NSMCE2: variants seen among roughly 807,000 people sequenced by gnomAD.
The protein encoded by NSMCE2 is E3 SUMO-protein ligase NSE2.
In NSMCE2, 24 loss-of-function variants were observed where a neutral mutation model predicts 23.8. That is an observed-to-expected ratio of 1.01 (90% CI 0.73 to 1.42). The LOEUF (loss-of-function observed/expected upper bound fraction) is 1.42, where lower values mean the gene tolerates loss of function less well. Among genes scored for constraint, NSMCE2 ranks in the 40% most tolerant of loss-of-function variants. NSMCE2 has a pLI of 0.00. For synonymous variants in NSMCE2, 92 were observed against 94.1 expected, an observed-to-expected ratio of 0.98 and a Z score of 0.13; for missense variants, 284 against 296.5, an observed-to-expected ratio of 0.96 and a Z score of 0.31.
At chr8:125,340,868 C>G (rs1040682537) in intron 5 of NSMCE2, among the ~76,000 whole-genome samples, 13 of 152,194 alleles carry the variant, frequency 8.5e-5, no homozygotes, top group Non-Finnish European at 1.3e-4. Flanking sequence ...CATTCTATTG[C>G]TCCTAATTAT....
intron 5 of NSMCE2, among the ~76,000 whole-genome samples, chr8:125,183,474 A>AT (rs1282921292): frequency 1.3e-5 from 2 of 152,066 alleles, no homozygotes; most frequent in East Asian, 3.8e-4. Flanking sequence ...CCCTCAAATG[A>AT]TTAATAATTT....
At chr8:125,176,828 C>T (rs1195692292) in intron 4 of NSMCE2, among the ~76,000 whole-genome samples, 1 of 152,226 alleles carries the variant, frequency 6.6e-6, no homozygotes, top group African/African-American at 2.4e-5. Context: ...CAGACATCGG[C>T]AGCTGAGTAA....
At chr8:125,210,061 G>A (rs1040925604) in intron 5 of NSMCE2, among the ~76,000 whole-genome samples, 13 of 152,188 alleles carry the variant, frequency 8.5e-5, no homozygotes, top group Non-Finnish European at 1.5e-4. Flanking sequence ...CTAGATCCAC[G>A]TGTTCTAAGA....
At chr8:125,216,860 C>T (rs564100144) in intron 5 of NSMCE2, among the ~76,000 whole-genome samples, 1 of 152,126 alleles carries the variant, frequency 6.6e-6, no homozygotes, top group Non-Finnish European at 1.5e-5. Flanking sequence ...AATCAGTGAT[C>T]AAGGGAAAGT....
At chr8:125,204,357 C>T (rs1824015840) in intron 5 of NSMCE2, among the ~76,000 whole-genome samples, 1 of 152,156 alleles carries the variant, frequency 6.6e-6, no homozygotes, top group African/African-American at 2.4e-5. Flanking sequence ...ACCATTGGGT[C>T]CTTCCTTATA....
intron 5 of NSMCE2, among the ~76,000 whole-genome samples, chr8:125,257,423 G>T (rs1030330311): frequency 6.6e-6 from 1 of 151,884 alleles, no homozygotes; most frequent in African/African-American, 2.4e-5. Flanking sequence ...GAAAAAGGGG[G>T]TAATCTCCTG....
chr8:125,309,248 CAAA>C (rs111355815), intron 5 of NSMCE2, among the ~76,000 whole-genome samples: 7 of 65,512 alleles, frequency 1.1e-4, no homozygotes, highest in African/African-American at 1.3e-4. Context: ...AACTCTGTCT[CAAA>C]AAAAAAAAAA....
chr8:125,184,464 A>G (rs1452054429), intron 5 of NSMCE2, among the ~76,000 whole-genome samples: 1 of 152,122 alleles, frequency 6.6e-6, no homozygotes, highest in Admixed American at 6.5e-5. Flanking sequence ...TGAAAGAAAT[A>G]CTTCCTTATA....
chr8:125,316,842 G>A (rs1829229025), intron 5 of NSMCE2, among the ~76,000 whole-genome samples: 1 of 150,522 alleles, frequency 6.6e-6, no homozygotes, highest in African/African-American at 2.4e-5. Context: ...GAAGTAGCAT[G>A]ATCACAGTTC....
At chr8:125,258,927 A>G (rs928191524) in intron 5 of NSMCE2, among the ~76,000 whole-genome samples, 1 of 151,800 alleles carries the variant, frequency 6.6e-6, no homozygotes, top group Non-Finnish European at 1.5e-5. Context: ...TTTGAGACAG[A>G]GTTTTGCTCT....
At chr8:125,303,153 C>A (rs1042207469) in intron 5 of NSMCE2, among the ~76,000 whole-genome samples, 1 of 152,084 alleles carries the variant, frequency 6.6e-6, no homozygotes, top group Non-Finnish European at 1.5e-5. Context: ...CCACAGTAGA[C>A]CAGAAAATGA....
chr8:125,337,281 A>G (rs949747493), intron 5 of NSMCE2, among the ~76,000 whole-genome samples: 1 of 152,150 alleles, frequency 6.6e-6, no homozygotes, highest in African/African-American at 2.4e-5. Context: ...TTGCAACCCT[A>G]CACCCCCTCT....
intron 4 of NSMCE2, among the ~76,000 whole-genome samples, chr8:125,161,869 T>G (rs549651636): frequency 6.6e-6 from 1 of 152,226 alleles, no homozygotes; most frequent in Admixed American, 6.5e-5. Context: ...TTCCAGACAT[T>G]CTGACTTGCT....
At chr8:125,299,256 G>A (rs1214547546) in intron 5 of NSMCE2, among the ~76,000 whole-genome samples, 3 of 152,176 alleles carry the variant, frequency 2.0e-5, no homozygotes, top group African/African-American at 7.2e-5. Context: ...ATCAAGAGGA[G>A]ATTCTTTGTC....
intron 4 of NSMCE2, among the ~76,000 whole-genome samples, chr8:125,171,664 T>C (rs2130769126): frequency 6.6e-6 from 1 of 152,342 alleles, no homozygotes; most frequent in African/African-American, 2.4e-5. Flanking sequence ...TTCTGACTTG[T>C]TCATCTCTTC....
intron 5 of NSMCE2, among the ~76,000 whole-genome samples, chr8:125,322,842 A>G (rs1410812386): frequency 2.0e-5 from 3 of 152,374 alleles, no homozygotes; most frequent in South Asian, 2.1e-4. Context: ...AATGCCATTT[A>G]TGATATCATC....
chr8:125,309,055 A>T (rs1171287174), intron 5 of NSMCE2, among the ~76,000 whole-genome samples: 1 of 151,330 alleles, frequency 6.6e-6, no homozygotes, highest in Non-Finnish European at 1.5e-5. Flanking sequence ...GACCAGCCTG[A>T]CCAACATGGA....
In NSMCE2 at chr8:125,224,530, G is replaced by C. The variant is rs113440911; in HGVS notation, c.418+42274G>C. 1.2e-3 allele frequency among the ~76,000 whole-genome samples: 188 copies of C among 152,270 alleles called. 1 individual carries two copies. Among genetic ancestry groups the C allele is most frequent in the African/African-American group, 4.5e-3 (187 of 41,548 alleles). ...TCATTCTTCTGCATGTGTATCTACA[G>C]TTTTCCCAACATTATTTATTGAAGA... is the stretch of plus-strand genomic sequence containing the variant. On this transcript the variant is annotated intron_variant, in intron 5 of 7. Coordinates refer to ENST00000287437, the MANE Select transcript of NSMCE2 (RefSeq NM_173685.4).
intron 3 of NSMCE2, among the ~76,000 whole-genome samples, chr8:125,124,802 T>A (rs1038826156): frequency 1.3e-5 from 2 of 152,024 alleles, no homozygotes; most frequent in Non-Finnish European, 2.9e-5. Context: ...TTGTTGTTGT[T>A]GTTGTTTTTT....
Sources: allele counts gnomAD v4.1 joint callset (sites outside exome capture counted in the v4.1 genomes callset), GRCh38; gene constraint gnomAD v4.1.1; transcripts MANE v1.5; gene names NCBI Gene and HGNC (gene_info 2026-07-23, HGNC 2026-07-21).